ZBTB20: variants seen among roughly 807,000 people sequenced by gnomAD.
ZBTB20 encodes zinc finger and BTB domain containing 20, also known as zinc finger and BTB domain-containing protein 20.
A neutral mutation model predicts 56.9 loss-of-function variants in ZBTB20; 9 were observed. That is an observed-to-expected ratio of 0.16 (90% CI 0.10 to 0.28). The LOEUF (loss-of-function observed/expected upper bound fraction) is 0.28, where lower values mean the gene tolerates loss of function less well. ZBTB20 is among the 10% of genes least tolerant of loss of function. ZBTB20 has a pLI of 1.00. For synonymous variants in ZBTB20, 417 were observed against 420.7 expected (o/e 0.99, Z 0.11); for missense variants, 655 against 1,003.0 (o/e 0.65, Z 4.69).
chr3:114,908,501 A>G (rs2075403266), intron 3 of ZBTB20, among the ~76,000 whole-genome samples: 1 of 152,032 alleles, frequency 6.6e-6, no homozygotes, highest in African/African-American at 2.4e-5. Context: ...AATACCTAGA[A>G]GAAACAAATC....
intron 2 of ZBTB20, among the ~76,000 whole-genome samples, chr3:115,004,378 GAA>G (rs1449976478): frequency 1.3e-5 from 2 of 151,662 alleles, no homozygotes; most frequent in Non-Finnish European, 3.0e-5. Context: ...ACATTACATG[GAA>G]GTATTCTGTA....
intron 5 of ZBTB20, among the ~76,000 whole-genome samples, chr3:114,782,367 G>A (rs558965626): frequency 3.5e-4 from 54 of 152,284 alleles, no homozygotes; most frequent in South Asian, 1.7e-3. Context: ...TTTAAAGCGA[G>A]AGCTAAGACT....
chr3:115,026,526 G>A (rs963313988), intron 2 of ZBTB20, among the ~76,000 whole-genome samples: 1 of 150,744 alleles, frequency 6.6e-6, no homozygotes, highest in African/African-American at 2.4e-5. Flanking sequence ...TTTCACTTAC[G>A]TATCTACCAA....
intron 5 of ZBTB20, among the ~76,000 whole-genome samples, chr3:114,742,257 G>T (rs977753276): frequency 3.3e-5 from 5 of 152,102 alleles, no homozygotes; most frequent in Non-Finnish European, 7.4e-5. Context: ...CATAATAAAG[G>T]TTGAGCCTGT....
intron 3 of ZBTB20, 168 bp from the exon 4 acceptor site, chr3:114,900,510 T>TACAC (rs1263120224): frequency 1.4e-5 from 2 of 139,354 alleles, no homozygotes; most frequent in South Asian, 2.3e-4. Context: ...TCTGAAAATA[T>TACAC]ATACACACAC....
At chr3:114,964,511 C>G (rs1192587663) in intron 3 of ZBTB20, among the ~76,000 whole-genome samples, 2 of 152,288 alleles carry the variant, frequency 1.3e-5, no homozygotes, top group East Asian at 3.9e-4. Flanking sequence ...ATCAGTTGAT[C>G]TGTAGAGGAT....
intron 6 of ZBTB20, among the ~76,000 whole-genome samples, chr3:114,553,222 T>G (rs1259872597): frequency 6.6e-6 from 1 of 152,204 alleles, no homozygotes; most frequent in Admixed American, 6.5e-5. Flanking sequence ...ATACTCTATA[T>G]AAATGTATGA....
At chr3:114,734,217 A>T (rs1301366842) in intron 5 of ZBTB20, among the ~76,000 whole-genome samples, 1 of 151,692 alleles carries the variant, frequency 6.6e-6, no homozygotes, top group African/African-American at 2.4e-5. Context: ...GTAAATACAT[A>T]TATATCAATT....
chr3:115,065,715 C>T (rs1310410998), intron 2 of ZBTB20, among the ~76,000 whole-genome samples: 2 of 152,036 alleles, frequency 1.3e-5, no homozygotes, highest in African/African-American at 2.4e-5. Context: ...AGAGATCATC[C>T]GATTCAACCC....
intron 6 of ZBTB20, chr3:114,658,793 C>A (rs896784555): frequency 2.0e-5 from 3 of 152,206 alleles, no homozygotes; most frequent in Admixed American, 1.3e-4. Context: ...AAATTCATTT[C>A]TTCTAGACAT....
Position 114,587,984 on chromosome 3 carries a change from T to C in ZBTB20, c.-294-87593A>G, listed in dbSNP as rs1170587295. On this transcript the variant is annotated intron_variant, in intron 6 of 11. Coordinates refer to ENST00000675478, the MANE Select transcript of ZBTB20 (RefSeq NM_001348800.3). Reference sequence around the variant, plus strand: ...GGTAAGTGATTCTAACCTAATCACATATCTCCGTGCTATGAATGGAGGGTG... The same window carrying C: ...GGTAAGTGATTCTAACCTAATCACACATCTCCGTGCTATGAATGGAGGGTG... Among the ~76,000 whole-genome samples the C allele has an allele frequency of 3.3e-5, 5 of 152,346 alleles. No homozygotes were observed. The East Asian group carries it at 9.6e-4, about 29-fold the overall frequency.
At chr3:114,354,763 G>C (rs527598499) in intron 10 of ZBTB20, among the ~76,000 whole-genome samples, 2 of 152,008 alleles carry the variant, frequency 1.3e-5, no homozygotes, top group African/African-American at 4.8e-5. Context: ...TGTATTTTTA[G>C]TAGATGAGTT....
At chr3:114,772,297 G>A (rs1292049397) in intron 5 of ZBTB20, among the ~76,000 whole-genome samples, 1 of 152,016 alleles carries the variant, frequency 6.6e-6, no homozygotes, top group Admixed American at 6.6e-5. Flanking sequence ...CCGAGATTAG[G>A]CCACTGCACC....
At chr3:115,007,651 G>T (rs1206907390) in intron 2 of ZBTB20, among the ~76,000 whole-genome samples, 2 of 151,462 alleles carry the variant, frequency 1.3e-5, no homozygotes, top group Admixed American at 6.6e-5. Context: ...TTGAAGATTT[G>T]CTCTGTTACC....
chr3:114,714,631 G>A (rs2064332454), intron 5 of ZBTB20, among the ~76,000 whole-genome samples: 1 of 151,288 alleles, frequency 6.6e-6, no homozygotes, highest in Non-Finnish European at 1.5e-5. Context: ...GTGCAATGTT[G>A]TGGCACCTAT....
At chr3:114,956,640 T>G (rs1287858369) in intron 3 of ZBTB20, among the ~76,000 whole-genome samples, 1 of 152,180 alleles carries the variant, frequency 6.6e-6, no homozygotes, top group Admixed American at 6.6e-5. Flanking sequence ...TACAAACATT[T>G]TGACAAGCTA....
At chr3:115,066,533 C>G (rs886532164) in intron 2 of ZBTB20, among the ~76,000 whole-genome samples, 2 of 152,178 alleles carry the variant, frequency 1.3e-5, no homozygotes, top group Non-Finnish European at 2.9e-5. Context: ...CTCACAGACT[C>G]TGGTCTGCTT....
chr3:115,106,361 G>C (rs1449216533), intron 1 of ZBTB20, among the ~76,000 whole-genome samples: 2 of 150,964 alleles, frequency 1.3e-5, no homozygotes, highest in Admixed American at 1.3e-4. Context: ...AGCCTCCCGA[G>C]TAGCTGGGAC....
intron 4 of ZBTB20, among the ~76,000 whole-genome samples, chr3:114,811,113 T>C (rs1268773037): frequency 6.6e-6 from 1 of 152,232 alleles, no homozygotes; most frequent in Non-Finnish European, 1.5e-5. Flanking sequence ...TAAGCAATTG[T>C]AAAGAATATG....
Sources: gnomAD v4.1 joint callset for allele counts (sites outside exome capture counted in the v4.1 genomes callset) on GRCh38, gnomAD v4.1.1 for gene constraint, MANE v1.5 for transcripts, NCBI Gene and HGNC (gene_info 2026-07-23, HGNC 2026-07-21) for gene names.